The following FAM53B variants were observed in gnomAD, a reference collection of about 807,000 sequenced individuals.
FAM53B encodes the protein family with sequence similarity 53 member B, also known as protein FAM53B.
Under a neutral mutation model 32.7 loss-of-function variants are expected in FAM53B, and 12 were observed. That is an observed-to-expected ratio of 0.37 (90% CI 0.24 to 0.59). The LOEUF (loss-of-function observed/expected upper bound fraction) is 0.59, where lower values mean the gene tolerates loss of function less well. FAM53B is among the 20% of genes least tolerant of loss of function. FAM53B has a pLI of 0.72. For missense variants in FAM53B, 477 were observed against 577.7 expected, an observed-to-expected ratio of 0.83 and a Z score of 1.79; for synonymous variants, 234 against 228.7, an observed-to-expected ratio of 1.02 and a Z score of -0.21.
At chr10:124,684,717 C>T (rs1949792219) in intron 3 of FAM53B, among the ~76,000 whole-genome samples, 1 of 152,052 alleles carries the variant, frequency 6.6e-6, no homozygotes, top group African/African-American at 2.4e-5. Flanking sequence ...TGGGGTTTCA[C>T]CATGTTGGCC....
At chr10:124,667,442 G>C (rs1374404705) in intron 4 of FAM53B, 1 of 763,614 alleles carries the variant, frequency 1.3e-6, no homozygotes, top group South Asian at 1.4e-5. Flanking sequence ...AATACAACAG[G>C]TGAGTTTCTT....
chr10:124,627,564 GC>G (rs34007938), intron 4 of FAM53B, among the ~76,000 whole-genome samples: 42,276 of 152,070 alleles, frequency 0.28, 6,631 homozygotes, highest in South Asian at 0.39. Flanking sequence ...TCTGGAACAG[GC>G]CTGCCCAGGT....
At chr10:124,723,635 T>C (rs1950083735) in intron 1 of FAM53B, among the ~76,000 whole-genome samples, 1 of 152,194 alleles carries the variant, frequency 6.6e-6, no homozygotes, top group African/African-American at 2.4e-5. Flanking sequence ...TTGTTTTCTG[T>C]GTTCTGCTTT....
intron 4 of FAM53B, among the ~76,000 whole-genome samples, chr10:124,657,114 GTGTGTATATATA>G (rs1949596296): frequency 1.4e-5 from 2 of 138,020 alleles, no homozygotes; most frequent in African/African-American, 2.7e-5. Flanking sequence ...ATATATGTGT[GTGTGTATATATA>G]TGTGTGTATA....
chr10:124,658,022 T>C (rs1949605595), intron 4 of FAM53B, among the ~76,000 whole-genome samples: 2 of 152,132 alleles, frequency 1.3e-5, no homozygotes, highest in Admixed American at 1.3e-4. Context: ...ACCACAAATA[T>C]TACCAAGACC....
Position 124,738,941 on chromosome 10 carries a change from C to G in FAM53B, c.-175+5072G>C, listed in dbSNP as rs1589769798. On this transcript the variant is annotated intron_variant, in intron 1 of 4. Transcript: ENST00000337318. ...TCACTGGAAATGTTTTCTTGTGAAT[C>G]TGCCTTTTCTGAGATTGAAGCAAAA... Among the ~76,000 whole-genome samples the G allele has an allele frequency of 2.0e-5, 3 of 151,934 alleles. No homozygotes were observed. In the South Asian group the frequency reaches 6.2e-4, roughly 32 times the overall value.
chr10:124,740,528 T>G (rs565951317), intron 1 of FAM53B, among the ~76,000 whole-genome samples: 80 of 152,264 alleles, frequency 5.3e-4, no homozygotes, highest in Admixed American at 1.9e-3. Flanking sequence ...AAAGTTCACA[T>G]CCAGGCAGGC....
Position 124,681,803 on chromosome 10 carries a change from G to A in FAM53B, c.710C>T (p.Ser237Phe). 2.5e-6 allele frequency: 4 copies of A among 1,610,634 alleles called. No individual in the cohort carries two copies. The highest frequency in any genetic ancestry group is 3.4e-6 in the Non-Finnish European group (4 of 1,178,428). Residue 237 changes from serine to phenylalanine, a missense_variant, in exon 4 of 5, where the codon TCC becomes TTC. Physicochemically the swap from Ser to Phe is radical, Grantham distance 155. Coordinates refer to ENST00000337318, the MANE Select transcript of FAM53B (RefSeq NM_014661.4). ...TGAGGGAGGACAGTATTCCACAAAG[G>A]AAAACTGCTCATGTGAGCAAGAGAG... ...RSLSCSHEQF[S>F]FVEYCPPSAN...
chr10:124,699,798 A>C (rs1564881300), intron 2 of FAM53B, among the ~76,000 whole-genome samples: 1 of 152,190 alleles, frequency 6.6e-6, no homozygotes, highest in Non-Finnish European at 1.5e-5. Context: ...CCTGAACCAC[A>C]GAGCTGGGGC....
At chr10:124,730,584 T>C (rs7894089) in intron 1 of FAM53B, among the ~76,000 whole-genome samples, 28,806 of 152,138 alleles carry the variant, frequency 0.19, 3,062 homozygotes, top group African/African-American at 0.26. Flanking sequence ...AGATTTGGAT[T>C]CTCCCCACAC....
intron 3 of FAM53B, among the ~76,000 whole-genome samples, chr10:124,692,336 G>C (rs760196006): frequency 6.6e-5 from 10 of 152,160 alleles, no homozygotes; most frequent in Non-Finnish European, 1.3e-4. Flanking sequence ...AACTGGGGTA[G>C]GGGACAAGAG....
At chr10:124,726,842 AAG>A (rs1335165051) in intron 1 of FAM53B, among the ~76,000 whole-genome samples, 1 of 152,212 alleles carries the variant, frequency 6.6e-6, no homozygotes, top group East Asian at 1.9e-4. Flanking sequence ...TGTCAAAAGA[AAG>A]AGCTGAGATA....
At position 124,647,578 on chromosome 10, in the gene FAM53B, C is replaced by T. The variant is rs532575769; in HGVS notation, c.907-23974G>A. Reference sequence around the variant, plus strand: ...CAAGTGTGAGCAGAGATGCATGTCACCAATGCACTCGTGTGGCAGCTGAGG... The same window carrying T: ...CAAGTGTGAGCAGAGATGCATGTCATCAATGCACTCGTGTGGCAGCTGAGG... On this transcript the variant is annotated intron_variant, in intron 4 of 4. Coordinates refer to ENST00000337318, the MANE Select transcript of FAM53B (RefSeq NM_014661.4). Among the ~76,000 whole-genome samples the T allele has an allele frequency of 8.5e-5, 13 of 152,340 alleles. No homozygotes were observed. In the South Asian group the frequency reaches 2.7e-3, roughly 32 times the overall value.
At chr10:124,650,489 G>A (rs1034300957) in intron 4 of FAM53B, among the ~76,000 whole-genome samples, 12 of 152,172 alleles carry the variant, frequency 7.9e-5, no homozygotes, top group African/African-American at 2.7e-4. Context: ...CGCACAGTGT[G>A]GCCAGATGTG....
intron 1 of FAM53B, among the ~76,000 whole-genome samples, chr10:124,724,822 C>T (rs550559771): frequency 4.6e-5 from 7 of 152,206 alleles, no homozygotes; most frequent in African/African-American, 1.2e-4. Flanking sequence ...GAGAATGTCA[C>T]GATCATCTCA....
At chr10:124,639,243 A>T (rs1225135831) in intron 4 of FAM53B, among the ~76,000 whole-genome samples, 1 of 152,096 alleles carries the variant, frequency 6.6e-6, no homozygotes, top group African/African-American at 2.4e-5. Flanking sequence ...GGCCAGACCC[A>T]CCCCAGCAGG....
At chr10:124,623,799 T>C (rs1430590472) in intron 4 of FAM53B, 195 bp from the exon 5 acceptor site, 1 of 583,900 alleles carries the variant, frequency 1.7e-6, no homozygotes, top group East Asian at 3.0e-5. Flanking sequence ...GAGCGCTCTG[T>C]GCTCATAAAG....
chr10:124,717,939 A>G (rs1463947517), intron 1 of FAM53B, among the ~76,000 whole-genome samples: 45 of 152,114 alleles, frequency 3.0e-4, no homozygotes, highest in Non-Finnish European at 5.9e-5. Context: ...CCCAGGCTAC[A>G]GACACAGCTT....
At chr10:124,642,304 G>A (rs1949481232) in intron 4 of FAM53B, among the ~76,000 whole-genome samples, 1 of 152,248 alleles carries the variant, frequency 6.6e-6, no homozygotes, top group South Asian at 2.1e-4. Flanking sequence ...AGGACAGCCA[G>A]AGCGCCATGC....
Sources: allele counts gnomAD v4.1 joint callset (sites outside exome capture counted in the v4.1 genomes callset), GRCh38; gene constraint gnomAD v4.1.1; transcripts MANE v1.5; gene names NCBI Gene and HGNC (gene_info 2026-07-23, HGNC 2026-07-21).